SLC39A12: variants seen among roughly 807,000 people sequenced by gnomAD.
SLC39A12 encodes solute carrier family 39 member 12.
Under a neutral mutation model 71.1 loss-of-function variants are expected in SLC39A12, and 63 were observed. The observed-to-expected ratio is 0.89, with a 90% CI of 0.72 to 1.09. SLC39A12 has a LOEUF of 1.09. SLC39A12 is among the 50% of genes least tolerant of loss of function. The pLI, the probability that SLC39A12 is intolerant of heterozygous loss-of-function variation, is 0.00. For missense variants in SLC39A12, 892 were observed against 812.6 expected, an observed-to-expected ratio of 1.10 and a Z score of -1.19; for synonymous variants, 351 against 301.3, an observed-to-expected ratio of 1.16 and a Z score of -1.71.
intron 12 of SLC39A12, among the ~76,000 whole-genome samples, chr10:18,019,680 T>C (rs1411476773): frequency 6.6e-6 from 1 of 152,110 alleles, no homozygotes; most frequent in African/African-American, 2.4e-5. Context: ...TATTTAGAGG[T>C]ATGTTATTTA....
At chr10:18,005,876 T>G (rs968180369) in intron 12 of SLC39A12, 6 of 152,296 alleles carry the variant, frequency 3.9e-5, no homozygotes, top group Admixed American at 3.3e-4. Context: ...CTTGTGAGTT[T>G]CCCGGGGCTA....
intron 3 of SLC39A12, among the ~76,000 whole-genome samples, chr10:17,962,662 T>C (rs1314112625): frequency 6.6e-6 from 1 of 152,176 alleles, no homozygotes; most frequent in African/African-American, 2.4e-5. Flanking sequence ...ATTTAGTTCC[T>C]GCTCTCAATT....
At chr10:17,979,054 G>C (rs1835188975) in intron 5 of SLC39A12, among the ~76,000 whole-genome samples, 1 of 152,142 alleles carries the variant, frequency 6.6e-6, no homozygotes, top group African/African-American at 2.4e-5. Context: ...CACTGCTTTT[G>C]AATATGTTTG....
At chr10:17,952,491 CTTTTTTT>C (rs11288880) in intron 1 of SLC39A12, among the ~76,000 whole-genome samples, 11 of 128,570 alleles carry the variant, frequency 8.6e-5, no homozygotes, top group East Asian at 2.2e-4. Context: ...TTTCTTTTTT[CTTTTTTT>C]TTTTTTTGAG....
At chr10:18,020,213 T>C (rs941335836) in intron 12 of SLC39A12, among the ~76,000 whole-genome samples, 2 of 152,026 alleles carry the variant, frequency 1.3e-5, no homozygotes, top group Non-Finnish European at 2.9e-5. Context: ...AGTGAGAACA[T>C]GCGGTATTTG....
At chr10:18,039,919 C>G (rs1188128811) in intron 12 of SLC39A12, among the ~76,000 whole-genome samples, 2 of 152,132 alleles carry the variant, frequency 1.3e-5, no homozygotes, top group Non-Finnish European at 2.9e-5. Flanking sequence ...CCAAAACACT[C>G]TGAATGTTGA....
intron 11 of SLC39A12, 50 bp from the exon 12 acceptor site, chr10:18,003,121 G>T (rs778734388): frequency 1.2e-5 from 19 of 1,552,746 alleles, no homozygotes; most frequent in South Asian, 8.3e-5. Flanking sequence ...TTTAGCAAAG[G>T]CGTCTTCCAT....
chr10:17,997,691 C>G lies in SLC39A12; in HGVS notation c.1600+1969C>G, dbSNP rs531947844. On this transcript the variant is annotated intron_variant, in intron 10 of 12. Coordinates refer to ENST00000377369, the MANE Select transcript of SLC39A12 (RefSeq NM_001145195.2). ...ATCCATATTACATTACTCAACTGCC[C>G]CTTTGCCAGGGACATACTGAATTAA... 2.6e-5 allele frequency among the ~76,000 whole-genome samples: 4 copies of G among 152,120 alleles called. No homozygotes were observed. In the East Asian group the frequency reaches 7.7e-4, roughly 29 times the overall value.
In SLC39A12 at chr10:17,970,771, T is replaced by C. The variant is rs58172198; in HGVS notation, c.751+5081T>C. 8.6e-3 allele frequency among the ~76,000 whole-genome samples: 1,305 copies of C among 151,146 alleles called. 23 individuals carry two copies. The highest frequency in any genetic ancestry group is 0.03 in the African/African-American group (1,241 of 41,374). ...AACAAGGATAATTTGACTTCTTCCATTCCAATTTGGATGCCCTTTATTTCT... is the reference window on the plus strand; with the variant it reads ...AACAAGGATAATTTGACTTCTTCCACTCCAATTTGGATGCCCTTTATTTCT... On this transcript the variant is annotated intron_variant, in intron 4 of 12. Coordinates refer to ENST00000377369, the MANE Select transcript of SLC39A12 (RefSeq NM_001145195.2).
intron 12 of SLC39A12, among the ~76,000 whole-genome samples, chr10:18,036,771 TATATATATATATATATA>T (rs1359062762): frequency 0.047 from 2,198 of 46,970 alleles, 181 homozygotes; most frequent in Non-Finnish European, 0.05. Flanking sequence ...TATATATATA[TATATATATATATATATA>T]TATATATTTT....
chr10:17,972,297 T>G (rs115408235), intron 4 of SLC39A12, among the ~76,000 whole-genome samples: 2,033 of 152,302 alleles, frequency 0.013, 41 homozygotes, highest in African/African-American at 0.042. Context: ...AAGAAAAGAA[T>G]GTTTATTCTG....
intron 12 of SLC39A12, among the ~76,000 whole-genome samples, chr10:18,039,610 C>G (rs957390004): frequency 3.3e-5 from 5 of 152,078 alleles, no homozygotes; most frequent in African/African-American, 1.2e-4. Context: ...CACCTGCAGT[C>G]TTAGCTACCC....
chr10:17,954,282 C>G (rs1251314718), intron 2 of SLC39A12, among the ~76,000 whole-genome samples: 2 of 152,172 alleles, frequency 1.3e-5, no homozygotes, highest in African/African-American at 4.8e-5. Flanking sequence ...GAGACAGAGT[C>G]TCGCCCTGTT....
intron 12 of SLC39A12, among the ~76,000 whole-genome samples, chr10:18,021,685 A>C (rs955014081): frequency 6.6e-6 from 1 of 152,134 alleles, no homozygotes; most frequent in Non-Finnish European, 1.5e-5. Context: ...GTTGCTATGT[A>C]GACATAATTG....
intron 12 of SLC39A12, among the ~76,000 whole-genome samples, chr10:18,017,522 T>C (rs1836419513): frequency 6.6e-6 from 1 of 152,222 alleles, no homozygotes; most frequent in South Asian, 2.1e-4. Flanking sequence ...TTAGCCAGGC[T>C]GGTCTTGAAC....
intron 4 of SLC39A12, among the ~76,000 whole-genome samples, chr10:17,974,913 C>CA (rs199936440): frequency 0.023 from 3,428 of 152,260 alleles, 119 homozygotes; most frequent in African/African-American, 0.074. Flanking sequence ...GAACTAGAGT[C>CA]AAAACCTTAG....
At chr10:17,970,478 A>G (rs114835979) in intron 4 of SLC39A12, among the ~76,000 whole-genome samples, 2,061 of 151,754 alleles carry the variant, frequency 0.014, 41 homozygotes, top group African/African-American at 0.043. Context: ...GTGTTTTGTC[A>G]TTTTCATTGT....
chr10:17,960,430 A>G (rs1834658702), intron 2 of SLC39A12, among the ~76,000 whole-genome samples: 3 of 152,210 alleles, frequency 2.0e-5, no homozygotes, highest in Admixed American at 2.0e-4. Flanking sequence ...TTGGGGCAGT[A>G]TGTTCTGATT....
At chr10:17,971,392 A>T (rs183295049) in intron 4 of SLC39A12, among the ~76,000 whole-genome samples, 260 of 150,942 alleles carry the variant, frequency 1.7e-3, no homozygotes, top group African/African-American at 6.1e-3. Flanking sequence ...ATTTTTTGGA[A>T]TAGTTTGAAT....
Sources: allele counts gnomAD v4.1 joint callset (sites outside exome capture counted in the v4.1 genomes callset), GRCh38; gene constraint gnomAD v4.1.1; transcripts MANE v1.5; gene names NCBI Gene and HGNC (gene_info 2026-07-23, HGNC 2026-07-21).